SGCZ: variants seen among roughly 807,000 people sequenced by gnomAD.
SGCZ encodes the protein sarcoglycan zeta, also known as zeta-sarcoglycan.
In SGCZ, 40 loss-of-function variants were observed where a neutral mutation model predicts 41.3. That is an observed-to-expected ratio of 0.97 (90% CI 0.75 to 1.26). SGCZ has a LOEUF of 1.26. Ranked by LOEUF, SGCZ falls within the 50% of genes most tolerant of loss-of-function variation. The probability of loss-of-function intolerance (pLI) is 0.00; values close to 1 mark genes in which losing one functional copy is unlikely to be tolerated. For missense variants in SGCZ, 552 were observed against 369.8 expected, an observed-to-expected ratio of 1.49 and a Z score of -4.04; for synonymous variants, 206 against 137.5, an observed-to-expected ratio of 1.50 and a Z score of -3.49.
chr8:14,516,169 G>C (rs1585620225), intron 2 of SGCZ, among the ~76,000 whole-genome samples: 1 of 151,170 alleles, frequency 6.6e-6, no homozygotes, highest in African/African-American at 2.4e-5. Context: ...CTTTAGGTTT[G>C]AGGGTACATG....
At position 14,165,865 on chromosome 8, in the gene SGCZ, G is replaced by A. The variant is rs1804192805; in HGVS notation, c.425-1163C>T. Among the ~76,000 whole-genome samples, 4 of 152,086 alleles carry A rather than the reference G, an allele frequency of 2.6e-5. No individual in the cohort carries two copies. In the South Asian group the frequency reaches 8.3e-4, roughly 31 times the overall value. ...AGCACCAGTAGATGAATATTAAATA[G>A]ATGAATGAATACTTAAGCTTTCATC... On this transcript the variant is annotated intron_variant, in intron 4 of 7. Coordinates refer to ENST00000382080, the MANE Select transcript of SGCZ (RefSeq NM_139167.4).
chr8:14,979,933 T>C (rs1247755269), intron 1 of SGCZ, among the ~76,000 whole-genome samples: 1 of 152,256 alleles, frequency 6.6e-6, no homozygotes, highest in East Asian at 1.9e-4. Flanking sequence ...TAAATGCTAG[T>C]AATAACATAT....
At chr8:15,099,075 A>G (rs1038917658) in intron 1 of SGCZ, among the ~76,000 whole-genome samples, 5 of 152,146 alleles carry the variant, frequency 3.3e-5, no homozygotes, top group Admixed American at 6.5e-5. Flanking sequence ...CAAACAAACA[A>G]CAAAAAACAG....
intron 1 of SGCZ, among the ~76,000 whole-genome samples, chr8:14,558,788 C>G (rs1804117559): frequency 6.6e-6 from 1 of 151,988 alleles, no homozygotes; most frequent in African/African-American, 2.4e-5. Flanking sequence ...GATAATTCAC[C>G]ATGATCAAGT....
At chr8:14,508,670 T>C (rs10216705) in intron 2 of SGCZ, among the ~76,000 whole-genome samples, 5,638 of 152,260 alleles carry the variant, frequency 0.037, 129 homozygotes, top group East Asian at 0.08. Context: ...AAGCACGATA[T>C]GAAATAAAGT....
At chr8:14,964,168 C>T (rs1449708537) in intron 1 of SGCZ, among the ~76,000 whole-genome samples, 1 of 152,154 alleles carries the variant, frequency 6.6e-6, no homozygotes, top group African/African-American at 2.4e-5. Flanking sequence ...TTTGTCACTA[C>T]TGTTATTGCT....
chr8:15,200,410 T>C (rs543862191), intron 1 of SGCZ, among the ~76,000 whole-genome samples: 69 of 152,256 alleles, frequency 4.5e-4, no homozygotes, highest in African/African-American at 1.7e-3. Flanking sequence ...TATCAGAAGA[T>C]GGCCTAGCTG....
chr8:14,665,332 G>C (rs1412724504), intron 1 of SGCZ, among the ~76,000 whole-genome samples: 1 of 152,166 alleles, frequency 6.6e-6, no homozygotes, highest in Non-Finnish European at 1.5e-5. Context: ...TCCCTACAAA[G>C]GACATGAACT....
chr8:14,532,059 G>A (rs1021297085), intron 2 of SGCZ, among the ~76,000 whole-genome samples: 2 of 152,016 alleles, frequency 1.3e-5, no homozygotes, highest in Non-Finnish European at 1.5e-5. Flanking sequence ...TTAGCAATCA[G>A]TACATTTTAA....
At chr8:14,250,418 T>C (rs1799245131) in intron 3 of SGCZ, among the ~76,000 whole-genome samples, 1 of 152,058 alleles carries the variant, frequency 6.6e-6, no homozygotes, top group African/African-American at 2.4e-5. Flanking sequence ...TAAGCTACAT[T>C]TTCTAATCTT....
At chr8:14,522,581 T>G (rs957433108) in intron 2 of SGCZ, among the ~76,000 whole-genome samples, 11 of 151,914 alleles carry the variant, frequency 7.2e-5, no homozygotes, top group Non-Finnish European at 1.5e-4. Context: ...ATTTCATTCC[T>G]TATATTGGAA....
intron 1 of SGCZ, among the ~76,000 whole-genome samples, chr8:14,818,483 C>A (rs531360402): frequency 1.3e-5 from 2 of 152,200 alleles, no homozygotes; most frequent in South Asian, 2.1e-4. Flanking sequence ...AAATTCTTCC[C>A]CTACAAAAGT....
intron 2 of SGCZ, among the ~76,000 whole-genome samples, chr8:14,403,974 T>C (rs552497580): frequency 2.0e-3 from 310 of 152,180 alleles, no homozygotes; most frequent in African/African-American, 7.3e-3. Flanking sequence ...TTTCAGCTCC[T>C]AAATAGAAAC....
intron 2 of SGCZ, among the ~76,000 whole-genome samples, chr8:14,511,843 T>C (rs897185321): frequency 2.0e-5 from 3 of 152,158 alleles, no homozygotes; most frequent in Non-Finnish European, 4.4e-5. Context: ...TGTTTTTAAC[T>C]CTTAAAGGAC....
chr8:14,790,957 G>A (rs1355183387), intron 1 of SGCZ, among the ~76,000 whole-genome samples: 2 of 151,326 alleles, frequency 1.3e-5, no homozygotes, highest in African/African-American at 2.4e-5. Context: ...CTTGAACACG[G>A]GAGGCAAAGG....
At chr8:14,336,342 G>T (rs752787310) in intron 2 of SGCZ, among the ~76,000 whole-genome samples, 11 of 152,088 alleles carry the variant, frequency 7.2e-5, no homozygotes, top group Admixed American at 6.6e-4. Flanking sequence ...GCCTGCTATT[G>T]ATGGGCATTT....
chr8:15,100,947 G>A (rs909256286), intron 1 of SGCZ, among the ~76,000 whole-genome samples: 1 of 151,552 alleles, frequency 6.6e-6, no homozygotes, highest in African/African-American at 2.4e-5. Context: ...CTGCACTGTA[G>A]CCCAGCTGAC....
chr8:14,534,271 A>G (rs1803226993), intron 2 of SGCZ, among the ~76,000 whole-genome samples: 1 of 151,998 alleles, frequency 6.6e-6, no homozygotes, highest in Non-Finnish European at 1.5e-5. Flanking sequence ...GTGCAGAAAC[A>G]GAAGAAGGGC....
At chr8:14,567,682 A>C (rs1222290030) in intron 1 of SGCZ, among the ~76,000 whole-genome samples, 2 of 152,132 alleles carry the variant, frequency 1.3e-5, no homozygotes, top group Non-Finnish European at 2.9e-5. Flanking sequence ...ATAAGTCTTG[A>C]TACTGCTCAC....
Sources: gnomAD v4.1 joint callset for allele counts (sites outside exome capture counted in the v4.1 genomes callset) on GRCh38, gnomAD v4.1.1 for gene constraint, MANE v1.5 for transcripts, NCBI Gene and HGNC (gene_info 2026-07-23, HGNC 2026-07-21) for gene names.